UNK: variants seen among roughly 807,000 people sequenced by gnomAD.
UNK encodes unk zinc finger.
Under a neutral mutation model 97.6 loss-of-function variants are expected in UNK, and 32 were observed. The ratio of observed to expected loss-of-function variants is 0.33; its 90% CI spans 0.25 to 0.44. The LOEUF is 0.44. Among genes scored for constraint, UNK ranks in the 20% least tolerant of loss-of-function variants. UNK has a pLI of 1.00. For missense variants in UNK, 771 were observed against 1,098.4 expected (o/e 0.70, Z 4.21); for synonymous variants, 441 against 461.2 (o/e 0.96, Z 0.56).
At chr17:75,794,743 C>T (rs78493157) in intron 1 of UNK, among the ~76,000 whole-genome samples, 4,176 of 152,218 alleles carry the variant, frequency 0.027, 195 homozygotes, top group African/African-American at 0.096. Flanking sequence ...CAGTTACTAG[C>T]TGTGAGATCT....
rs572524905 is a variant in UNK at position 75,816,986 on chromosome 17, G to T, written c.1104+74G>T. 1.1e-5 allele frequency: 16 copies of T among 1,505,636 alleles called. No homozygotes were observed. Among genetic ancestry groups the T allele is most frequent in the African/African-American group, 2.7e-5 (2 of 72,838 alleles). 93.3% of individuals were successfully genotyped at this position (1,505,636 alleles called of 1,614,324 possible). ...AATACTTGCCTCCTAGGCCCTTTCAGCCTGGGCTTGGGAGACCATCCTGGT... is the reference window on the plus strand; with the variant it reads ...AATACTTGCCTCCTAGGCCCTTTCATCCTGGGCTTGGGAGACCATCCTGGT... On this transcript the variant is annotated intron_variant, in intron 8 of 15. Transcript: ENST00000589666. The surrounding 1 kb of genome is among the most constrained non-coding windows in gnomAD (Gnocchi z 4.0).
Position 75,793,925 on chromosome 17 carries a change from T to G in UNK, c.104+8941T>G, listed in dbSNP as rs2061783468. On this transcript the variant is annotated intron_variant, in intron 1 of 15. Transcript: ENST00000589666. ...TTTGTGACTTAGAAGTTTTAAGTAG[T>G]CGTTCTTATATCTAAGCATTTATTA... The G allele has an allele frequency of 5.1e-6, 5 of 985,416 alleles. No homozygotes were observed. The African/African-American group carries it at 8.7e-5, about 17-fold the overall frequency. 61.0% of individuals were successfully genotyped at this position (985,416 alleles called of 1,614,324 possible). A position where few individuals can be genotyped will look rare whatever the true frequency, so the allele number is the denominator to read the frequency against.
In UNK at chr17:75,819,647, C is replaced by T. The variant is rs1287471729; in HGVS notation, c.1547-37C>T. ...ACGAGGTGGTCAGGGTCAGATAGTC[C>T]CTCGGGAGGTCACATCCCACTCTTC... On this transcript the variant is annotated intron_variant, in intron 11 of 15. Transcript: ENST00000589666. The surrounding 1 kb of genome is among the most constrained non-coding windows in gnomAD (Gnocchi z 5.4). 6.3e-7 allele frequency: 1 copy of T among 1,599,320 alleles called. No individual in the cohort carries two copies. The highest frequency in any genetic ancestry group is 8.6e-7 in the Non-Finnish European group (1 of 1,166,966).
Position 75,825,502 on chromosome 17 carries a change from T to A in UNK, c.*1085T>A, listed in dbSNP as rs1330756481. On this transcript the variant is annotated 3_prime_UTR_variant, in exon 16 of 16. Coordinates refer to ENST00000589666, the MANE Select transcript of UNK (RefSeq NM_001080419.3). The surrounding 1 kb of genome is among the most constrained non-coding windows in gnomAD (Gnocchi z 4.4). ...CTGGGCGGACGCCTGTGTGCGTGTG[T>A]GTGTGCCTGTCCAGTGTATATTGTG... is the stretch of plus-strand genomic sequence containing the variant. 3 of 152,644 alleles carry A rather than the reference T, an allele frequency of 2.0e-5. No homozygotes were observed. The highest frequency in any genetic ancestry group is 4.4e-5 in the Non-Finnish European group (3 of 68,160). 9.5% of individuals were successfully genotyped at this position (152,644 alleles called of 1,614,324 possible). A position where few individuals can be genotyped will look rare whatever the true frequency, so the allele number is the denominator to read the frequency against.
rs146383369 is a variant in UNK, at chr17:75,816,858, C to T, written c.1050C>T (p.Ala350=). The stretch of plus-strand genomic sequence containing the variant: ...CTGTCCTGTACATGCCATCTGCCGC[C>T]GGAGACTCGGTGCCTGTGAGCCCCT... ...PGPVLYMPSA[A]GDSVPVSPSS... Residue 350 remains alanine, a synonymous_variant, in exon 8 of 16, where the codon GCC becomes GCT. Transcript: ENST00000589666. The surrounding 1 kb of genome is among the most constrained non-coding windows in gnomAD (Gnocchi z 4.0). 1.7e-5 allele frequency: 27 copies of T among 1,607,380 alleles called. 1 individual carries two copies. The highest frequency in any genetic ancestry group is 5.0e-5 in the Admixed American group (3 of 59,860).
At chr17:75,794,307 T>C (rs1273983558) in intron 1 of UNK, 1 of 444,792 alleles carries the variant, frequency 2.2e-6, no homozygotes, top group East Asian at 1.6e-4. Flanking sequence ...GAGGCTTATT[T>C]GCTACTACTG....
intron 1 of UNK, among the ~76,000 whole-genome samples, chr17:75,800,586 A>T (rs2061847437): frequency 1.3e-5 from 2 of 151,166 alleles, no homozygotes; most frequent in Admixed American, 1.3e-4. Flanking sequence ...AAAATAAAAA[A>T]ATTAGCTGGG....
At chr17:75,812,735 T>C in intron 4 of UNK, 150 bp downstream of exon 4, 1 of 1,245,314 alleles carries the variant, frequency 8.0e-7, no homozygotes, top group Non-Finnish European at 1.1e-6. Context: ...AAAAGGCGCC[T>C]CTAGGGGCGT....
chr17:75,814,726 C>A (rs568807444), intron 6 of UNK, among the ~76,000 whole-genome samples: 2 of 152,148 alleles, frequency 1.3e-5, no homozygotes, highest in Non-Finnish European at 2.9e-5. Context: ...GGTAGACACG[C>A]GGACAGAAAC....
intron 14 of UNK, among the ~76,000 whole-genome samples, 154 bp from the exon 15 acceptor site, chr17:75,823,111 C>T (rs2062083968): frequency 6.6e-6 from 1 of 152,236 alleles, no homozygotes; most frequent in African/African-American, 2.4e-5. Context: ...AACCTCTGTG[C>T]AGACAGCATC....
intron 5 of UNK, among the ~76,000 whole-genome samples, chr17:75,813,548 G>A (rs1409657235): frequency 2.6e-5 from 4 of 152,204 alleles, no homozygotes; most frequent in Admixed American, 1.3e-4. Context: ...GGGAGGGCCT[G>A]GCTGAGGGGA....
chr17:75,818,703 C>T lies in UNK; in HGVS notation c.1433C>T (p.Thr478Ile). The T allele has an allele frequency of 1.2e-6, 2 of 1,613,142 alleles. No homozygotes were observed. Among genetic ancestry groups the T allele is most frequent in the Non-Finnish European group, 1.7e-6 (2 of 1,179,494 alleles). The change falls in exon 11 of 16, where the codon ACC becomes ATC. Residue 478 changes from threonine (T) to isoleucine (I), a missense_variant. Physicochemically the swap from Thr to Ile is moderately conservative, Grantham distance 89. Coordinates refer to ENST00000589666, the MANE Select transcript of UNK (RefSeq NM_001080419.3). This position sits in a 1 kb window ranked among gnomAD's most constrained non-coding sequence, Gnocchi z 5.1. Reference sequence around the variant, plus strand: ...ACCTCAAGCATCTCTTCTAGTATCACCTCCAGCCTGGCAGCTACCCCCCCT... The same window carrying T: ...ACCTCAAGCATCTCTTCTAGTATCATCTCCAGCCTGGCAGCTACCCCCCCT... ...PLTSSISSSITSSLAATPPSP... is the reference protein window; with the variant it reads ...PLTSSISSSIISSLAATPPSP...
chr17:75,798,700 T>C (rs1439298859), intron 1 of UNK, among the ~76,000 whole-genome samples: 1 of 151,744 alleles, frequency 6.6e-6, no homozygotes, highest in Non-Finnish European at 1.5e-5. Flanking sequence ...TTGGAGGAAA[T>C]AGAAACAGGA....
At chr17:75,785,557 T>C (rs1359242692) in intron 1 of UNK, 3 of 152,534 alleles carry the variant, frequency 2.0e-5, no homozygotes, top group Admixed American at 1.3e-4. Flanking sequence ...ACCGTTTCCC[T>C]CGCGGGCTGT....
chr17:75,820,709 T>C (rs778938708), intron 13 of UNK, among the ~76,000 whole-genome samples: 9 of 152,186 alleles, frequency 5.9e-5, no homozygotes, highest in Non-Finnish European at 8.8e-5. Flanking sequence ...CCTGTGCCAC[T>C]GCGGGCCGGC....
chr17:75,789,537 T>C (rs571846899), intron 1 of UNK, among the ~76,000 whole-genome samples: 63 of 152,036 alleles, frequency 4.1e-4, no homozygotes, highest in South Asian at 8.3e-4. Context: ...GGGGTTTCAC[T>C]GTGTTAGCCA....
At chr17:75,785,080 C>A (rs2061694787) in intron 1 of UNK, 96 bp downstream of exon 1, 2 of 794,138 alleles carry the variant, frequency 2.5e-6, no homozygotes, top group South Asian at 4.1e-5. Flanking sequence ...GCGGCCTCTT[C>A]CTCCCCCCCT....
At chr17:75,804,228 TA>T (rs2061889475) in intron 1 of UNK, among the ~76,000 whole-genome samples, 4 of 151,956 alleles carry the variant, frequency 2.6e-5, no homozygotes, top group Non-Finnish European at 5.9e-5. Context: ...CAAAGGTGGG[TA>T]GATCACTTGA....
chr17:75,797,472 C>T (rs1273623386), intron 1 of UNK, among the ~76,000 whole-genome samples: 5 of 152,204 alleles, frequency 3.3e-5, no homozygotes, highest in African/African-American at 9.6e-5. Context: ...TGACCTCAGG[C>T]GATCCGCCCG....
Sources: allele counts gnomAD v4.1 joint callset (sites outside exome capture counted in the v4.1 genomes callset), GRCh38; gene constraint gnomAD v4.1.1; non-coding constraint Gnocchi (gnomAD v3.1); transcripts MANE v1.5; gene names NCBI Gene and HGNC (gene_info 2026-07-23, HGNC 2026-07-21).